The following CACNA2D4 variants were observed in gnomAD, a reference collection of about 807,000 sequenced individuals.
The protein encoded by CACNA2D4 is voltage-dependent calcium channel subunit alpha-2/delta-4.
CACNA2D4 carries 157 observed loss-of-function variants against 163.8 expected under a neutral mutation model. The observed-to-expected ratio is 0.96, with a 90% confidence interval of 0.84 to 1.09. The LOEUF is 1.09. Among genes scored for constraint, CACNA2D4 ranks in the 50% least tolerant of loss-of-function variants. The pLI, the probability that CACNA2D4 is intolerant of heterozygous loss-of-function variation, is 0.00. For synonymous variants in CACNA2D4, 598 were observed against 586.9 expected (o/e 1.02, Z -0.27); for missense variants, 1,410 against 1,479.9 (o/e 0.95, Z 0.78).
intron 6 of CACNA2D4, among the ~76,000 whole-genome samples, chr12:1,903,049 G>T (rs760060105): frequency 1.3e-5 from 2 of 152,068 alleles, no homozygotes; most frequent in African/African-American, 4.8e-5. Context: ...AGAGAGTGCA[G>T]AAATGAATCC....
chr12:1,831,425 C>G (rs747242920), intron 26 of CACNA2D4: 1 of 1,614,130 alleles, frequency 6.2e-7, no homozygotes, highest in South Asian at 1.1e-5. Flanking sequence ...CATTTGAACC[C>G]CTAGCAAACC....
chr12:1,801,058 G>A lies in CACNA2D4; in HGVS notation c.2853C>T (p.Ala951=), dbSNP rs567823911. 2 of 1,613,316 alleles carry A rather than the reference G, an allele frequency of 1.2e-6. No individual in the cohort carries two copies. Among genetic ancestry groups the A allele is most frequent in the South Asian group, 1.1e-5 (1 of 91,054 alleles). Reference sequence around the variant, plus strand: ...TGACACTCACGCTGACCAGGGGCTGGGCTGCACTGTGGTGGTGACTCGAGG... The same window carrying A: ...TGACACTCACGCTGACCAGGGGCTGAGCTGCACTGTGGTGGTGACTCGAGG... ...CKPSSHHHSA[A]QPLVSPISAF... The change falls in exon 31 of 38, where the codon GCC becomes GCT. Residue 951 remains alanine, a synonymous_variant. Transcript: ENST00000382722.
At chr12:1,813,304 G>A (rs1181876874) in intron 26 of CACNA2D4, among the ~76,000 whole-genome samples, 6 of 152,274 alleles carry the variant, frequency 3.9e-5, no homozygotes, top group Admixed American at 3.3e-4. Context: ...TCCAGGGTGG[G>A]CCTGAGAGTT....
At chr12:1,890,171 A>C (rs1866245104) in intron 6 of CACNA2D4, among the ~76,000 whole-genome samples, 1 of 152,172 alleles carries the variant, frequency 6.6e-6, no homozygotes, top group Admixed American at 6.5e-5. Context: ...CTTAAGACTA[A>C]CATAGGGAGC....
chr12:1,793,658 C>T lies in CACNA2D4; in HGVS notation c.3411G>A (p.Arg1137=), dbSNP rs1265721736. 2 of 1,613,594 alleles carry T rather than the reference C, an allele frequency of 1.2e-6. No individual in the cohort carries two copies. The highest frequency in any genetic ancestry group is 1.7e-4 in the Middle Eastern group (1 of 6,056). ...ACACAGGTCAGGCTGGGTGGTGTCA[C>T]CGCAGGAGTTGGGGCAGTAGCCCCC... is the stretch of plus-strand genomic sequence containing the variant. ...CAWGLLPQLL[R] Residue 1137 remains arginine (R), a synonymous_variant, in exon 38 of 38, where the codon CGG becomes CGA. Coordinates refer to ENST00000382722, the MANE Select transcript of CACNA2D4 (RefSeq NM_172364.5).
At position 1,829,727 on chromosome 12, in the gene CACNA2D4, C is replaced by T. The variant is rs1265779514; in HGVS notation, c.2551+11012G>A. Among the ~76,000 whole-genome samples, 1 of 149,098 alleles carries T rather than the reference C, an allele frequency of 6.7e-6. No individual in the cohort carries two copies. The highest frequency in any genetic ancestry group is 1.5e-5 in the Non-Finnish European group (1 of 67,180). On this transcript the variant is annotated intron_variant, in intron 26 of 37. Transcript: ENST00000382722. This position sits in a 1 kb window ranked among gnomAD's most constrained non-coding sequence, Gnocchi z 4.2. ...GACCTGGGACAGCCAGGTCCCAGGT[C>T]CCATGTCAGGGTGGGCCGATGGGCT...
chr12:1,820,900 C>T lies in CACNA2D4; in HGVS notation c.2552-9177G>A, dbSNP rs1004393114. On this transcript the variant is annotated intron_variant, in intron 26 of 37. Transcript: ENST00000382722. This position sits in a 1 kb window ranked among gnomAD's most constrained non-coding sequence, Gnocchi z 6.0. ...GGCATGGGAAGTGGGCACCGGCCAT[C>T]TCTGCCCTGCAGGAATAGCTGCAGT... The T allele has an allele frequency of 1.6e-4, 24 of 152,216 alleles. No individual in the cohort carries two copies. Among genetic ancestry groups the T allele is most frequent in the African/African-American group, 5.8e-4 (24 of 41,424 alleles). 9.4% of individuals were successfully genotyped at this position (152,216 alleles called of 1,614,324 possible).
intron 3 of CACNA2D4, among the ~76,000 whole-genome samples, chr12:1,910,493 G>A (rs1432013902): frequency 2.0e-5 from 3 of 152,168 alleles, no homozygotes; most frequent in Admixed American, 2.0e-4. Context: ...GGGGATGTAT[G>A]GAAACTGTAC....
chr12:1,890,451 G>A (rs569315561), intron 6 of CACNA2D4, among the ~76,000 whole-genome samples: 26 of 152,346 alleles, frequency 1.7e-4, no homozygotes, highest in African/African-American at 6.3e-4. Context: ...GCCCTTGGCA[G>A]TGAAATCACC....
rs186925874 is a variant in CACNA2D4 at position 1,858,127 on chromosome 12, T to C, written c.2008+450A>G. ...TCCAGCCTCCAGAACCGTGAGAGAA[T>C]ACATGTCTGCGGTTTTAGGATGCCA... is the stretch of plus-strand genomic sequence containing the variant. On this transcript the variant is annotated intron_variant, in intron 20 of 37. Coordinates refer to ENST00000382722, the MANE Select transcript of CACNA2D4 (RefSeq NM_172364.5). 3.3e-5 allele frequency among the ~76,000 whole-genome samples: 5 copies of C among 152,340 alleles called. 1 individual carries two copies. The highest frequency in any genetic ancestry group is 4.4e-5 in the Non-Finnish European group (3 of 68,018).
chr12:1,861,817 G>A (rs1592717543), intron 18 of CACNA2D4, among the ~76,000 whole-genome samples: 1 of 152,054 alleles, frequency 6.6e-6, no homozygotes, highest in Non-Finnish European at 1.5e-5. Context: ...TTCGATACAT[G>A]TATCCAGCCC....
Position 1,907,863 on chromosome 12 carries a change from C to G in CACNA2D4, c.649+12G>C. The G allele has an allele frequency of 6.2e-7, 1 of 1,613,740 alleles. No individual in the cohort carries two copies. The highest frequency in any genetic ancestry group is 8.5e-7 in the Non-Finnish European group (1 of 1,179,838). On this transcript the variant is annotated intron_variant, in intron 5 of 37. Coordinates refer to ENST00000382722, the MANE Select transcript of CACNA2D4 (RefSeq NM_172364.5). ...GCCTGGTGAGTGTGCCTGAGCTGAG[C>G]GTGCCGGCTACCTTTGTTGTACACG...
chr12:1,912,730 CAG>C (rs1866859724), intron 3 of CACNA2D4, among the ~76,000 whole-genome samples: 1 of 152,220 alleles, frequency 6.6e-6, no homozygotes, highest in African/African-American at 2.4e-5. Flanking sequence ...CCTGGTGACT[CAG>C]AGTTCCTCAC....
At chr12:1,857,928 G>A (rs927379625) in intron 20 of CACNA2D4, among the ~76,000 whole-genome samples, 8 of 152,190 alleles carry the variant, frequency 5.3e-5, no homozygotes, top group African/African-American at 1.9e-4. Flanking sequence ...AAGAGGTAAT[G>A]GAGACAGTGA....
rs1863256253 is a variant in CACNA2D4, at chr12:1,799,996, T to A, written c.2974+4A>T. 1.2e-6 allele frequency: 2 copies of A among 1,602,252 alleles called. No homozygotes were observed. Among genetic ancestry groups the A allele is most frequent in the Non-Finnish European group, 1.7e-6 (2 of 1,174,616 alleles). On this transcript the variant is annotated splice_donor_region_variant and intron_variant, in intron 33 of 37. Transcript: ENST00000382722. This position sits in a 1 kb window ranked among gnomAD's most constrained non-coding sequence, Gnocchi z 4.7. ...CACATGGCCCTGCAGCTCCGTGCAC[T>A]CACCCTCGGCCCCTCTGTCGTACCA... is the stretch of plus-strand genomic sequence containing the variant.
At chr12:1,825,258 GC>G (rs777433579) in intron 26 of CACNA2D4, among the ~76,000 whole-genome samples, 3 of 152,214 alleles carry the variant, frequency 2.0e-5, no homozygotes, top group African/African-American at 4.8e-5. Flanking sequence ...GAGGTGGGAT[GC>G]AAAAGAGGAG....
chr12:1,842,829 A>G (rs1182922727), intron 25 of CACNA2D4, among the ~76,000 whole-genome samples: 1 of 152,110 alleles, frequency 6.6e-6, no homozygotes, highest in Admixed American at 6.5e-5. Context: ...TGCCTCTTTC[A>G]GCCTTGGGGT....
chr12:1,872,390 T>C (rs989384326), intron 18 of CACNA2D4, among the ~76,000 whole-genome samples: 10 of 152,186 alleles, frequency 6.6e-5, no homozygotes, highest in African/African-American at 2.2e-4. Flanking sequence ...TAAAATCCCC[T>C]GGAGAAAACA....
intron 6 of CACNA2D4, among the ~76,000 whole-genome samples, chr12:1,905,916 C>T (rs1000430626): frequency 6.6e-6 from 1 of 152,046 alleles, no homozygotes; most frequent in Admixed American, 6.6e-5. Context: ...AGGCACACTT[C>T]CTGATTTTTA....
Sources: gnomAD v4.1 joint callset for allele counts (sites outside exome capture counted in the v4.1 genomes callset) on GRCh38, gnomAD v4.1.1 for gene constraint, Gnocchi (gnomAD v3.1) non-coding constraint, MANE v1.5 for transcripts, NCBI Gene and HGNC (gene_info 2026-07-23, HGNC 2026-07-21) for gene names.